Variants in CCNYL1 observed in about 807,000 individuals in gnomAD.
CCNYL1 encodes the protein cyclin Y like 1.
CCNYL1 carries 16 observed loss-of-function variants against 44.2 expected under a neutral mutation model. The observed-to-expected ratio is 0.36, with a 90% CI of 0.25 to 0.55. CCNYL1 has a LOEUF of 0.55. Among genes scored for constraint, CCNYL1 ranks in the 20% least tolerant of loss-of-function variants. CCNYL1 has a pLI of 0.85. For missense variants in CCNYL1, 348 were observed against 451.8 expected (o/e 0.77, Z 2.08); for synonymous variants, 159 against 163.2 (o/e 0.97, Z 0.20).
chr2:207,715,191 C>T (rs1559163294), intron 1 of CCNYL1, among the ~76,000 whole-genome samples: 1 of 151,942 alleles, frequency 6.6e-6, no homozygotes, highest in African/African-American at 2.4e-5. Flanking sequence ...TCACTTGAAC[C>T]CAGGAGGCAG....
intron 8 of CCNYL1, chr2:207,750,705 C>A: frequency 2.7e-6 from 1 of 371,578 alleles, no homozygotes; most frequent in Non-Finnish European, 4.9e-6. Flanking sequence ...AAGAATGAGG[C>A]CCGAGTCAGC....
chr2:207,717,903 A>G (rs1288602917), intron 1 of CCNYL1, among the ~76,000 whole-genome samples: 2 of 92,860 alleles, frequency 2.2e-5, no homozygotes, highest in African/African-American at 7.6e-5. Flanking sequence ...AATATTTTTA[A>G]TTCTTTTTTT....
intron 8 of CCNYL1, among the ~76,000 whole-genome samples, chr2:207,749,382 A>T (rs565946034): frequency 1.1e-4 from 17 of 152,368 alleles, no homozygotes; most frequent in Non-Finnish European, 2.4e-4. Context: ...TTCAACAGCT[A>T]CATGTCCTGT....
At chr2:207,753,236 A>G (rs1295096927) in intron 9 of CCNYL1, among the ~76,000 whole-genome samples, 1 of 152,084 alleles carries the variant, frequency 6.6e-6, no homozygotes, top group Non-Finnish European at 1.5e-5. Flanking sequence ...ATTTTTTTGC[A>G]CAAGTGTACG....
Position 207,753,991 on chromosome 2 carries a change from C to T in CCNYL1, c.*293C>T. On this transcript the variant is annotated 3_prime_UTR_variant, in exon 10 of 10. Transcript: ENST00000295414. ...ATTTGCTTACTGTGTGGGCCGATAG[C>T]TGTGAACTATGTAAGGTTTTTTAAA... 3.6e-6 allele frequency: 1 copy of T among 280,444 alleles called. No homozygotes were observed. Among genetic ancestry groups the T allele is most frequent in the Non-Finnish European group, 6.6e-6 (1 of 150,730 alleles). The allele number at this position is 280,444 out of a possible 1,614,324, so 17.4% of individuals were successfully genotyped here. A position where few individuals can be genotyped will look rare whatever the true frequency, so the allele number is the denominator to read the frequency against.
intron 7 of CCNYL1, among the ~76,000 whole-genome samples, chr2:207,743,918 A>G (rs894381892): frequency 6.6e-6 from 1 of 152,172 alleles, no homozygotes; most frequent in Non-Finnish European, 1.5e-5. Flanking sequence ...TGATCCTGCC[A>G]GAGTGTTGGG....
chr2:207,741,531 C>T (rs1194071392), intron 6 of CCNYL1, among the ~76,000 whole-genome samples: 1 of 152,066 alleles, frequency 6.6e-6, no homozygotes, highest in South Asian at 2.1e-4. Context: ...TGGGCTCAAA[C>T]GTCAACACTG....
In CCNYL1 at chr2:207,755,928, A is replaced by G. The variant is rs2091928792; in HGVS notation, c.*2230A>G. ...GGGACAGGAGTACTTCCTCTATTAT[A>G]GCAATGCTTCACATCATATTGTGCT... On this transcript the variant is annotated 3_prime_UTR_variant, in exon 10 of 10. Transcript: ENST00000295414. The G allele has an allele frequency of 1.3e-5, 2 of 151,440 alleles. No homozygotes were observed. Among genetic ancestry groups the G allele is most frequent in the South Asian group, 4.1e-4 (2 of 4,834 alleles). The allele number at this position is 151,440 out of a possible 1,614,324, so 9.4% of individuals were successfully genotyped here.
chr2:207,719,393 T>C (rs1461706834), intron 1 of CCNYL1, among the ~76,000 whole-genome samples: 1 of 148,282 alleles, frequency 6.7e-6, no homozygotes. Context: ...CTCCACCTCC[T>C]GGGTTCCAGC....
At chr2:207,743,938 G>A (rs191580429) in intron 7 of CCNYL1, among the ~76,000 whole-genome samples, 4 of 152,116 alleles carry the variant, frequency 2.6e-5, no homozygotes, top group South Asian at 2.1e-4. Flanking sequence ...GATTACAGAC[G>A]TGAGCTACCA....
intron 1 of CCNYL1, 146 bp from the exon 2 acceptor site, chr2:207,724,654 T>G: frequency 1.6e-6 from 1 of 636,008 alleles, no homozygotes; most frequent in Non-Finnish European, 2.7e-6. Flanking sequence ...CAGGAGTATT[T>G]TTGTATTGTC....
At chr2:207,735,874 C>G (rs1183874810) in intron 4 of CCNYL1, among the ~76,000 whole-genome samples, 1 of 151,148 alleles carries the variant, frequency 6.6e-6, no homozygotes, top group Non-Finnish European at 1.5e-5. Context: ...AAAAAAAAAA[C>G]AAAACAAAAC....
chr2:207,722,757 G>A (rs2091650556), intron 1 of CCNYL1, among the ~76,000 whole-genome samples: 2 of 152,034 alleles, frequency 1.3e-5, no homozygotes. Flanking sequence ...TCAGGAGTTT[G>A]AGACCAGCCT....
At chr2:207,726,931 G>T in intron 3 of CCNYL1, 55 bp downstream of exon 3, 1 of 1,271,120 alleles carries the variant, frequency 7.9e-7, no homozygotes, top group Non-Finnish European at 1.1e-6. Context: ...AAGTATGTCT[G>T]TCATGATTCC....
At chr2:207,721,865 G>C (rs1457485632) in intron 1 of CCNYL1, among the ~76,000 whole-genome samples, 1 of 151,826 alleles carries the variant, frequency 6.6e-6, no homozygotes, top group Non-Finnish European at 1.5e-5. Flanking sequence ...CTCGGTGGCA[G>C]CTCCTGGCTG....
intron 3 of CCNYL1, among the ~76,000 whole-genome samples, chr2:207,731,557 A>G (rs913167787): frequency 3.9e-5 from 6 of 151,988 alleles, no homozygotes; most frequent in South Asian, 2.1e-4. Context: ...ATGTTTGTCA[A>G]TAGAGTTTGT....
intron 1 of CCNYL1, among the ~76,000 whole-genome samples, chr2:207,723,783 G>A (rs1160455121): frequency 6.7e-6 from 1 of 149,540 alleles, no homozygotes; most frequent in Admixed American, 6.7e-5. Context: ...ACTGAGGCAG[G>A]AGAATTGCTT....
chr2:207,729,262 CCCCACCCCA>C (rs2091705096), intron 3 of CCNYL1, among the ~76,000 whole-genome samples: 2 of 103,346 alleles, frequency 1.9e-5, no homozygotes, highest in African/African-American at 1.0e-4. Context: ...CCCCCCCCGC[CCCCACCCCA>C]CCCCCCCCAC....
At chr2:207,726,216 T>C (rs939572248) in intron 2 of CCNYL1, among the ~76,000 whole-genome samples, 1 of 152,148 alleles carries the variant, frequency 6.6e-6, no homozygotes, top group South Asian at 2.1e-4. Context: ...TCTTGGAGCT[T>C]TTATTCTTCT....
Sources: gnomAD v4.1 joint callset for allele counts (sites outside exome capture counted in the v4.1 genomes callset) on GRCh38, gnomAD v4.1.1 for gene constraint, MANE v1.5 for transcripts, NCBI Gene and HGNC (gene_info 2026-07-23, HGNC 2026-07-21) for gene names.